The following THSD4 variants were observed in gnomAD, a reference collection of about 807,000 sequenced individuals.
THSD4 encodes the protein thrombospondin type-1 domain-containing protein 4.
THSD4 carries 69 observed loss-of-function variants against 119.0 expected under a neutral mutation model. The ratio of observed to expected loss-of-function variants is 0.58; its 90% CI spans 0.48 to 0.71. The LOEUF (loss-of-function observed/expected upper bound fraction) is 0.71, where lower values mean the gene tolerates loss of function less well. THSD4 is among the 30% of genes least tolerant of loss of function. The pLI is 0.00. For synonymous variants in THSD4, 524 were observed against 540.4 expected (o/e 0.97, Z 0.42); for missense variants, 1,393 against 1,391.1 (o/e 1.00, Z -0.02).
intron 7 of THSD4, among the ~76,000 whole-genome samples, chr15:71,450,298 C>T (rs2047244274): frequency 6.6e-6 from 1 of 152,118 alleles, no homozygotes; most frequent in East Asian, 1.9e-4. Context: ...CTCTGGGTGC[C>T]TGGTGATTGT....
At chr15:71,301,897 G>A (rs984004490) in intron 6 of THSD4, among the ~76,000 whole-genome samples, 17 of 152,140 alleles carry the variant, frequency 1.1e-4, no homozygotes, top group Non-Finnish European at 2.2e-4. Flanking sequence ...TGTTAGATGG[G>A]ATGCCTTTTG....
intron 6 of THSD4, 79 bp downstream of exon 6, chr15:71,256,794 A>C: frequency 1.5e-6 from 2 of 1,366,272 alleles, no homozygotes; most frequent in African/African-American, 1.4e-5. Context: ...TTGATGTTGG[A>C]GGTATTGGTG....
intron 2 of THSD4, chr15:71,147,534 G>A (rs2040674777): frequency 6.6e-6 from 1 of 151,950 alleles, no homozygotes; most frequent in Non-Finnish European, 1.5e-5. Flanking sequence ...CTTTTATTCA[G>A]TTGATATTTA....
intron 5 of THSD4, among the ~76,000 whole-genome samples, chr15:71,251,429 G>A (rs1293355134): frequency 3.3e-5 from 5 of 152,200 alleles, no homozygotes; most frequent in African/African-American, 7.2e-5. Flanking sequence ...ATTGGGGCCT[G>A]GAAGGTGGTA....
intron 2 of THSD4, among the ~76,000 whole-genome samples, chr15:71,142,631 G>A (rs1024268778): frequency 2.6e-5 from 4 of 152,118 alleles, no homozygotes; most frequent in African/African-American, 4.8e-5. Flanking sequence ...AGTTTATTTT[G>A]CAGCTGTTTT....
intron 7 of THSD4, among the ~76,000 whole-genome samples, chr15:71,479,830 A>G (rs767099852): frequency 9.9e-5 from 15 of 152,244 alleles, no homozygotes; most frequent in South Asian, 2.1e-4. Flanking sequence ...TAAAACTGCT[A>G]TGAGTTTTTT....
chr15:71,697,222 AAAC>A (rs1359745927), intron 8 of THSD4, among the ~76,000 whole-genome samples: 13 of 152,224 alleles, frequency 8.5e-5, no homozygotes, highest in Non-Finnish European at 8.8e-5. Flanking sequence ...GCTTAGAAAG[AAAC>A]AAATCAGAAA....
intron 6 of THSD4, among the ~76,000 whole-genome samples, chr15:71,367,569 T>C (rs2045982219): frequency 6.6e-6 from 1 of 152,212 alleles, no homozygotes. Context: ...TTGCTGAGAA[T>C]GATGGTTTCC....
intron 3 of THSD4, among the ~76,000 whole-genome samples, chr15:71,161,189 G>A (rs1387349434): frequency 6.6e-6 from 1 of 152,086 alleles, no homozygotes; most frequent in East Asian, 1.9e-4. Flanking sequence ...CCTGGGGAAT[G>A]TTCCATGTGC....
At chr15:71,597,419 A>G (rs2049925144) in intron 7 of THSD4, among the ~76,000 whole-genome samples, 1 of 152,200 alleles carries the variant, frequency 6.6e-6, no homozygotes, top group Admixed American at 6.5e-5. Flanking sequence ...ATACCAAAAT[A>G]CACATGTGGT....
chr15:71,452,024 C>T (rs200510012), intron 7 of THSD4, among the ~76,000 whole-genome samples: 1 of 152,142 alleles, frequency 6.6e-6, no homozygotes, highest in African/African-American at 2.4e-5. Context: ...TCAGGACCCT[C>T]CTTACTAGCT....
At chr15:71,543,080 T>C (rs183760108) in intron 7 of THSD4, among the ~76,000 whole-genome samples, 175 of 152,216 alleles carry the variant, frequency 1.1e-3, no homozygotes, top group African/African-American at 3.9e-3. Context: ...AAGTACATTT[T>C]GGAGAAAAAC....
intron 8 of THSD4, among the ~76,000 whole-genome samples, chr15:71,698,658 A>G (rs1053110928): frequency 2.0e-5 from 3 of 149,776 alleles, no homozygotes; most frequent in African/African-American, 4.9e-5. Flanking sequence ...CATGAAATAT[A>G]TACATGCATG....
intron 8 of THSD4, among the ~76,000 whole-genome samples, chr15:71,679,303 T>C (rs1276965843): frequency 1.3e-5 from 2 of 152,218 alleles, no homozygotes; most frequent in Non-Finnish European, 2.9e-5. Flanking sequence ...GAGCAGGGGC[T>C]GGCAACCTTT....
chr15:71,236,000 G>A (rs1381364145), intron 4 of THSD4, among the ~76,000 whole-genome samples: 1 of 152,108 alleles, frequency 6.6e-6, no homozygotes, highest in Non-Finnish European at 1.5e-5. Flanking sequence ...ATCTGCCTTC[G>A]TGGAGTTCCA....
At chr15:71,595,997 T>C (rs1383704864) in intron 7 of THSD4, among the ~76,000 whole-genome samples, 2 of 152,252 alleles carry the variant, frequency 1.3e-5, no homozygotes, top group African/African-American at 4.8e-5. Flanking sequence ...AGTCAGGACA[T>C]GCATCATCCA....
At chr15:71,232,720 T>C (rs920977702) in intron 4 of THSD4, among the ~76,000 whole-genome samples, 3 of 152,160 alleles carry the variant, frequency 2.0e-5, no homozygotes, top group Non-Finnish European at 2.9e-5. Flanking sequence ...TCTGGGAAGA[T>C]AGACTGAAAC....
At chr15:71,727,545 AAAAAAAAAATATATATATAT>A (rs1220207824) in intron 8 of THSD4, among the ~76,000 whole-genome samples, 2 of 97,720 alleles carry the variant, frequency 2.0e-5, no homozygotes, top group African/African-American at 1.0e-4. Context: ...AAAAAAAAAA[AAAAAAAAAATATATATATAT>A]ATATATATAT....
chr15:71,235,583 C>T (rs1402615969), intron 4 of THSD4, among the ~76,000 whole-genome samples: 1 of 127,314 alleles, frequency 7.9e-6, no homozygotes, highest in South Asian at 2.5e-4. Flanking sequence ...CCACCTCTCT[C>T]TTTTTTTTTT....
Sources: allele counts gnomAD v4.1 joint callset (sites outside exome capture counted in the v4.1 genomes callset), GRCh38; gene constraint gnomAD v4.1.1; transcripts MANE v1.5; gene names NCBI Gene and HGNC (gene_info 2026-07-23, HGNC 2026-07-21).